Variants in GLIS3 observed in about 807,000 individuals in gnomAD.
The protein encoded by GLIS3 is GLIS family zinc finger 3, also known as zinc finger protein GLIS3.
A neutral mutation model predicts 78.6 loss-of-function variants in GLIS3; 53 were observed. That is an observed-to-expected ratio of 0.67 (90% CI 0.54 to 0.85). The LOEUF is 0.85. Among genes scored for constraint, GLIS3 ranks in the 40% least tolerant of loss-of-function variants. The pLI, the probability that GLIS3 is intolerant of heterozygous loss-of-function variation, is 0.00. For missense variants in GLIS3, 1,703 were observed against 1,231.1 expected (o/e 1.38, Z -5.74); for synonymous variants, 684 against 509.9 (o/e 1.34, Z -4.60).
intron 2 of GLIS3, among the ~76,000 whole-genome samples, chr9:4,254,359 T>C (rs1285679072): frequency 6.6e-6 from 1 of 152,154 alleles, no homozygotes; most frequent in Non-Finnish European, 1.5e-5. Flanking sequence ...CAAATCATCT[T>C]GAGAAATACA....
At chr9:4,093,886 T>C (rs796894995) in intron 4 of GLIS3, among the ~76,000 whole-genome samples, 3 of 152,246 alleles carry the variant, frequency 2.0e-5, no homozygotes, top group South Asian at 4.1e-4. Context: ...TCAGTAACCC[T>C]GAGGTCTCAC....
At chr9:3,918,716 C>T (rs1446872216) in intron 6 of GLIS3, among the ~76,000 whole-genome samples, 100 of 152,160 alleles carry the variant, frequency 6.6e-4, no homozygotes, top group Non-Finnish European at 1.2e-4. Context: ...TTGCCCTCTA[C>T]AGGGCCATCC....
intron 2 of GLIS3, among the ~76,000 whole-genome samples, chr9:4,285,059 T>A (rs1263859270): frequency 6.6e-6 from 1 of 152,206 alleles, no homozygotes; most frequent in Non-Finnish European, 1.5e-5. Flanking sequence ...ATAGAAATCA[T>A]TATTCACCTT....
At chr9:4,294,773 C>T (rs1020219820) in intron 1 of GLIS3, among the ~76,000 whole-genome samples, 1 of 152,128 alleles carries the variant, frequency 6.6e-6, no homozygotes, top group African/African-American at 2.4e-5. Context: ...TGTTTTACAC[C>T]TATATATATT....
the GLIS3 span, among the ~76,000 whole-genome samples, chr9:4,354,361 T>C: frequency 6.6e-6 from 1 of 152,174 alleles, no homozygotes; most frequent in Non-Finnish European, 1.5e-5. Context: ...TGGATGAGGG[T>C]ATAAGCACCC....
chr9:3,974,237 G>A (rs988493105), intron 4 of GLIS3, among the ~76,000 whole-genome samples: 2 of 151,928 alleles, frequency 1.3e-5, no homozygotes, highest in Middle Eastern at 3.2e-3. Flanking sequence ...ATAAATTAAT[G>A]AATGGTTTCT....
At chr9:4,356,181 G>A in the GLIS3 span, among the ~76,000 whole-genome samples, 2 of 152,240 alleles carry the variant, frequency 1.3e-5, no homozygotes, top group South Asian at 4.2e-4. Context: ...TCAACAATAT[G>A]ATTTGGTAAA....
chr9:4,380,162 A>G, the GLIS3 span, among the ~76,000 whole-genome samples: 1 of 152,244 alleles, frequency 6.6e-6, no homozygotes, highest in South Asian at 2.1e-4. Flanking sequence ...AGGAGAAGGA[A>G]TTATAATTGG....
chr9:4,261,240 G>T (rs1207098720), intron 2 of GLIS3, among the ~76,000 whole-genome samples: 1 of 152,140 alleles, frequency 6.6e-6, no homozygotes, highest in Non-Finnish European at 1.5e-5. Flanking sequence ...CTCCACTCAG[G>T]TGCAGAATAA....
intron 8 of GLIS3, among the ~76,000 whole-genome samples, chr9:3,858,393 C>G (rs1167421986): frequency 1.3e-5 from 2 of 151,942 alleles, no homozygotes; most frequent in Admixed American, 6.6e-5. Flanking sequence ...CTCTTGACTA[C>G]CAAATATTAC....
intron 2 of GLIS3, among the ~76,000 whole-genome samples, chr9:4,315,991 A>G (rs1215477084): frequency 1.3e-5 from 2 of 152,222 alleles, no homozygotes; most frequent in Non-Finnish European, 2.9e-5. Flanking sequence ...GCAGGATATT[A>G]CATATTGTAT....
At position 4,059,868 on chromosome 9, in the gene GLIS3, A is replaced by C. The variant is rs373006555; in HGVS notation, c.1710+57900T>G. On this transcript the variant is annotated intron_variant, in intron 4 of 10. Coordinates refer to ENST00000381971, the MANE Select transcript of GLIS3 (RefSeq NM_001042413.2). ...AGAGAGAGAGAGAGAGAGAGAGAGA[A>C]AGAGAGAGACTGGCTCTCCTACTAG... 1.3e-3 allele frequency among the ~76,000 whole-genome samples: 129 copies of C among 102,082 alleles called. 1 individual carries two copies. The highest frequency in any genetic ancestry group is 4.4e-3 in the African/African-American group (116 of 26,618). 67.0% of individuals were successfully genotyped at this position (102,082 alleles called of 152,430 possible).
At chr9:4,432,062 T>C in the GLIS3 span, among the ~76,000 whole-genome samples, 1 of 152,124 alleles carries the variant, frequency 6.6e-6, no homozygotes, top group South Asian at 2.1e-4. Flanking sequence ...ACTTCTGCTC[T>C]CAAACCTTGT....
chr9:4,159,262 T>C (rs1013339372), intron 2 of GLIS3, among the ~76,000 whole-genome samples: 1 of 152,330 alleles, frequency 6.6e-6, no homozygotes. Context: ...CAGGGTCATA[T>C]GTGAAACACT....
intron 8 of GLIS3, among the ~76,000 whole-genome samples, chr9:3,872,619 C>A (rs369133640): frequency 6.6e-6 from 1 of 152,166 alleles, no homozygotes; most frequent in African/African-American, 2.4e-5. Context: ...ACTACCAAGA[C>A]AACAGTATGG....
intron 2 of GLIS3, among the ~76,000 whole-genome samples, chr9:4,341,199 A>C (rs1817829443): frequency 1.3e-5 from 2 of 152,350 alleles, no homozygotes; most frequent in Admixed American, 1.3e-4. Flanking sequence ...GGACAAAACA[A>C]GACTGCTCTC....
chr9:3,922,363 T>C (rs377029697), intron 6 of GLIS3, among the ~76,000 whole-genome samples: 6 of 152,324 alleles, frequency 3.9e-5, no homozygotes, highest in East Asian at 3.9e-4. Context: ...CTGTGATTCA[T>C]TGATTGTAAA....
the GLIS3 span, among the ~76,000 whole-genome samples, chr9:4,469,849 G>C: frequency 1.3e-5 from 2 of 152,066 alleles, no homozygotes; most frequent in African/African-American, 4.8e-5. Flanking sequence ...TCTAGGAGCT[G>C]TTTTTTTGAG....
intron 8 of GLIS3, among the ~76,000 whole-genome samples, chr9:3,858,625 C>T (rs1819948548): frequency 1.3e-5 from 2 of 151,838 alleles, no homozygotes; most frequent in African/African-American, 4.8e-5. Context: ...GTATGACACC[C>T]CATATAAAGT....
Sources: allele counts gnomAD v4.1 joint callset (sites outside exome capture counted in the v4.1 genomes callset), GRCh38; gene constraint gnomAD v4.1.1; transcripts MANE v1.5; gene names NCBI Gene and HGNC (gene_info 2026-07-23, HGNC 2026-07-21).